KAZN: variants seen among roughly 807,000 people sequenced by gnomAD.
The protein encoded by KAZN is kazrin, periplakin interacting protein, also known as kazrin.
KAZN carries 40 observed loss-of-function variants against 87.4 expected under a neutral mutation model. The ratio of observed to expected loss-of-function variants is 0.46; its 90% CI spans 0.36 to 0.60. The LOEUF (loss-of-function observed/expected upper bound fraction) is 0.60, where lower values mean the gene tolerates loss of function less well. Ranked by LOEUF, KAZN falls within the 20% of genes least tolerant of loss-of-function variation. The pLI is 0.00. For synonymous variants in KAZN, 466 were observed against 458.3 expected (o/e 1.02, Z -0.22); for missense variants, 898 against 1,073.9 (o/e 0.84, Z 2.29).
chr1:14,233,761 C>A (rs571486978), intron 2 of KAZN, among the ~76,000 whole-genome samples: 2 of 152,256 alleles, frequency 1.3e-5, no homozygotes, highest in Non-Finnish European at 2.9e-5. Flanking sequence ...TATGCAGAGC[C>A]CTTCCCTACT....
chr1:15,066,097 T>A lies in KAZN; in HGVS notation c.1222+344T>A. Reference sequence around the variant, plus strand: ...TTGTTAATCTGGTTTATTATTTTTCTTCAGTGTTTGGTTTTTCTTTTTCTT... The same window carrying A: ...TTGTTAATCTGGTTTATTATTTTTCATCAGTGTTTGGTTTTTCTTTTTCTT... On this transcript the variant is annotated intron_variant, in intron 8 of 14. Coordinates refer to ENST00000376030, the MANE Select transcript of KAZN (RefSeq NM_201628.3). This position sits in a 1 kb window ranked among gnomAD's most constrained non-coding sequence, Gnocchi z 4.3. The A allele has an allele frequency of 8.8e-7, 1 of 1,137,276 alleles. No homozygotes were observed. Among genetic ancestry groups the A allele is most frequent in the Non-Finnish European group, 1.1e-6 (1 of 927,690 alleles). The allele number at this position is 1,137,276 out of a possible 1,614,324, so 70.4% of individuals were successfully genotyped here.
At chr1:14,456,185 C>T (rs1667556250) in intron 2 of KAZN, among the ~76,000 whole-genome samples, 1 of 152,234 alleles carries the variant, frequency 6.6e-6, no homozygotes, top group Non-Finnish European at 1.5e-5. Flanking sequence ...CCCCCAAACC[C>T]TAGCAGCTTA....
At chr1:13,995,104 C>T (rs1639448152) in intron 1 of KAZN, among the ~76,000 whole-genome samples, 2 of 151,566 alleles carry the variant, frequency 1.3e-5, no homozygotes, top group South Asian at 2.1e-4. Flanking sequence ...AAAAAGCTTA[C>T]AGCAAATGTC....
chr1:14,498,624 G>A (rs565115721), intron 2 of KAZN, among the ~76,000 whole-genome samples: 9 of 152,200 alleles, frequency 5.9e-5, no homozygotes, highest in African/African-American at 1.9e-4. Context: ...CCCTGGAGGC[G>A]GAGGTTGCAG....
intron 2 of KAZN, among the ~76,000 whole-genome samples, chr1:15,024,724 T>C (rs1671014187): frequency 6.6e-6 from 1 of 152,224 alleles, no homozygotes; most frequent in South Asian, 2.1e-4. Flanking sequence ...GCACAATGTC[T>C]GGGGTCTTTC....
At chr1:14,563,391 C>G (rs1674363835) in intron 2 of KAZN, among the ~76,000 whole-genome samples, 1 of 152,180 alleles carries the variant, frequency 6.6e-6, no homozygotes, top group South Asian at 2.1e-4. Context: ...ACCCATAACC[C>G]AAGGGACTCC....
intron 1 of KAZN, among the ~76,000 whole-genome samples, chr1:14,669,406 G>A (rs1639778640): frequency 6.6e-6 from 1 of 152,178 alleles, no homozygotes; most frequent in Admixed American, 6.5e-5. Context: ...ACAGTGCCAA[G>A]GTTGAAAAAC....
intron 2 of KAZN, among the ~76,000 whole-genome samples, chr1:14,536,517 A>T (rs1424217125): frequency 6.6e-6 from 1 of 152,150 alleles, no homozygotes; most frequent in Non-Finnish European, 1.5e-5. Flanking sequence ...CAGGTTGAGG[A>T]GTGTTAAAGC....
At chr1:14,051,278 A>G (rs184558487) in intron 1 of KAZN, among the ~76,000 whole-genome samples, 69 of 152,296 alleles carry the variant, frequency 4.5e-4, no homozygotes, top group Non-Finnish European at 8.1e-4. Context: ...TAAGCTGATC[A>G]AGCAGGACTC....
intron 13 of KAZN, among the ~76,000 whole-genome samples, chr1:15,105,161 G>T (rs494983): frequency 0.55 from 83,685 of 152,092 alleles, 23,233 homozygotes; most frequent in East Asian, 0.76. Flanking sequence ...TGGTATCAGG[G>T]TAATATAGCC....
At chr1:14,872,310 A>G (rs551506971) in intron 1 of KAZN, among the ~76,000 whole-genome samples, 14 of 152,354 alleles carry the variant, frequency 9.2e-5, no homozygotes, top group Admixed American at 7.8e-4. Flanking sequence ...TCTATTTAAT[A>G]TGGTAGCCAC....
intron 1 of KAZN, among the ~76,000 whole-genome samples, chr1:14,616,312 C>T (rs1378052176): frequency 2.6e-5 from 4 of 152,208 alleles, no homozygotes; most frequent in African/African-American, 4.8e-5. Context: ...AGATCTGTGC[C>T]GCAGATCCCA....
chr1:14,913,540 G>A (rs1657471453), intron 1 of KAZN, among the ~76,000 whole-genome samples: 1 of 152,208 alleles, frequency 6.6e-6, no homozygotes, highest in African/African-American at 2.4e-5. Context: ...ACAGATTTCT[G>A]CCCTGAGAAC....
At chr1:14,568,202 A>G (rs1210989093) in intron 2 of KAZN, among the ~76,000 whole-genome samples, 1 of 152,196 alleles carries the variant, frequency 6.6e-6, no homozygotes, top group African/African-American at 2.4e-5. Flanking sequence ...GGAAGCACAA[A>G]GCTACGATGT....
intron 1 of KAZN, among the ~76,000 whole-genome samples, chr1:13,988,666 T>C (rs887093680): frequency 6.6e-6 from 1 of 152,274 alleles, no homozygotes; most frequent in South Asian, 2.1e-4. Flanking sequence ...ACAGTCCAGC[T>C]ATGTGAGTAG....
chr1:14,718,163 C>T (rs4661516), intron 1 of KAZN, among the ~76,000 whole-genome samples: 1 of 152,132 alleles, frequency 6.6e-6, no homozygotes. Context: ...GCTTCATGCT[C>T]TCTCTTCCAG....
At chr1:14,938,279 C>T (rs1007670122) in intron 1 of KAZN, among the ~76,000 whole-genome samples, 7 of 152,322 alleles carry the variant, frequency 4.6e-5, no homozygotes, top group South Asian at 2.1e-4. Context: ...CGGTGGCTCA[C>T]GCCTGTAATC....
intron 2 of KAZN, among the ~76,000 whole-genome samples, chr1:14,218,318 C>T (rs1270338166): frequency 1.3e-5 from 2 of 152,108 alleles, no homozygotes; most frequent in Non-Finnish European, 1.5e-5. Flanking sequence ...TGAGTTCATA[C>T]TCGTGTACTG....
At chr1:14,554,097 T>C (rs991181629) in intron 2 of KAZN, among the ~76,000 whole-genome samples, 1 of 152,042 alleles carries the variant, frequency 6.6e-6, no homozygotes, top group African/African-American at 2.4e-5. Context: ...CTGAGGAACT[T>C]GGGGAAATCA....
Sources: gnomAD v4.1 joint callset for allele counts (sites outside exome capture counted in the v4.1 genomes callset) on GRCh38, gnomAD v4.1.1 for gene constraint, Gnocchi (gnomAD v3.1) non-coding constraint, MANE v1.5 for transcripts, NCBI Gene and HGNC (gene_info 2026-07-23, HGNC 2026-07-21) for gene names.